TP53BP2: variants seen among roughly 807,000 people sequenced by gnomAD.
TP53BP2 encodes the protein apoptosis-stimulating of p53 protein 2.
TP53BP2 carries 62 observed loss-of-function variants against 126.2 expected under a neutral mutation model. The ratio of observed to expected loss-of-function variants is 0.49; its 90% CI spans 0.40 to 0.61. The LOEUF (loss-of-function observed/expected upper bound fraction) is 0.61, where lower values mean the gene tolerates loss of function less well. Among genes scored for constraint, TP53BP2 ranks in the 20% least tolerant of loss-of-function variants. The pLI is 0.00. For missense variants in TP53BP2, 1,215 were observed against 1,402.8 expected (o/e 0.87, Z 2.14); for synonymous variants, 485 against 502.9 (o/e 0.96, Z 0.48).
Position 223,814,478 on chromosome 1 carries a change from A to G in TP53BP2, c.176-125T>C. 7 of 686,280 alleles carry G rather than the reference A, an allele frequency of 1.0e-5. No homozygotes were observed. The South Asian group carries it at 1.4e-4, about 13-fold the overall frequency. The allele number at this position is 686,280 out of a possible 1,614,324, so 42.5% of individuals were successfully genotyped here. ...AACAAATGCTTAGTATCTCAGGTAA[A>G]TTTTTTTCATTAAAACACGTCTTAG... On this transcript the variant is annotated intron_variant, in intron 2 of 17. Transcript: ENST00000343537.
Position 223,796,423 on chromosome 1 carries a change from T to C in TP53BP2, c.2116A>G (p.Thr706Ala). 6.2e-7 allele frequency: 1 copy of C among 1,614,178 alleles called. No homozygotes were observed. The highest frequency in any genetic ancestry group is 1.1e-5 in the South Asian group (1 of 91,086). Residue 706 changes from threonine to alanine, a missense_variant, in exon 13 of 18, where the codon ACT (threonine) becomes GCT (alanine). Coordinates refer to ENST00000343537, the MANE Select transcript of TP53BP2 (RefSeq NM_001031685.3). This position sits in a 1 kb window ranked among gnomAD's most constrained non-coding sequence, Gnocchi z 4.2. ...NERIPRPLSP[T>A]KLLPFLSNPY... Reference sequence around the variant, plus strand: ...TTAGATAAGAAAGGCAGTAATTTAGTTGGGCTGAGTGGCCGAGGAATTCTT... The same window carrying C: ...TTAGATAAGAAAGGCAGTAATTTAGCTGGGCTGAGTGGCCGAGGAATTCTT...
At position 223,821,248 on chromosome 1, in the gene TP53BP2, G is replaced by A. The variant is rs1251263038; in HGVS notation, c.147C>T (p.Cys49=). The change falls in exon 2 of 18, where the codon TGC becomes TGT. Residue 49 remains cysteine (C), a synonymous_variant. Coordinates refer to ENST00000343537, the MANE Select transcript of TP53BP2 (RefSeq NM_001031685.3). Reference sequence around the variant, plus strand: ...AGCCACACCACACTTCAGCCAAATGGCAATCACTCTCGCCGGGTTCTTTGC... The same window carrying A: ...AGCCACACCACACTTCAGCCAAATGACAATCACTCTCGCCGGGTTCTTTGC... ...DLCKEPGESD[C]HLAEVWCGSE... is the part of the protein sequence containing the mutation. 4 of 1,613,870 alleles carry A rather than the reference G, an allele frequency of 2.5e-6. No individual in the cohort carries two copies. The Admixed American group carries it at 5.0e-5, about 20-fold the overall frequency.
In TP53BP2 at chr1:223,845,665, T is replaced by C; in HGVS notation, c.16A>G (p.Lys6Glu). ...GCTCGCCCACTTACCGGCATCATCT[T>C]GGACCCGAACCGCATGGAAGCGGGT... is the stretch of plus-strand genomic sequence containing the variant. MRFGS[K>E]MMPMFLTVYL... Residue 6 changes from lysine to glutamate, a missense_variant, in exon 1 of 18, where the codon AAG becomes GAG. This residue lies in a region of TP53BP2 where 814 missense variants were observed against 853.0 expected (regional missense o/e 0.95). Coordinates refer to ENST00000343537, the MANE Select transcript of TP53BP2 (RefSeq NM_001031685.3). 1 of 1,554,318 alleles carries C rather than the reference T, an allele frequency of 6.4e-7. No individual in the cohort carries two copies. The highest frequency in any genetic ancestry group is 8.6e-7 in the Non-Finnish European group (1 of 1,157,698).
At chr1:223,787,291 G>A (rs576812813) in intron 16 of TP53BP2, among the ~76,000 whole-genome samples, 1 of 152,180 alleles carries the variant, frequency 6.6e-6, no homozygotes, top group Admixed American at 6.5e-5. Context: ...AGGAGTTCAG[G>A]GTTGTAGTGA....
At position 223,801,729 on chromosome 1, in the gene TP53BP2, T is replaced by C. The variant is rs150916958; in HGVS notation, c.1225+387A>G. On this transcript the variant is annotated intron_variant, in intron 9 of 17. Coordinates refer to ENST00000343537, the MANE Select transcript of TP53BP2 (RefSeq NM_001031685.3). ...TATTTAACACCACTCATCAACATAATAGATTCAGAACCTCACATCCTATAC... is the reference window on the plus strand; with the variant it reads ...TATTTAACACCACTCATCAACATAACAGATTCAGAACCTCACATCCTATAC... Among the ~76,000 whole-genome samples the C allele has an allele frequency of 3.6e-3, 545 of 152,320 alleles. 7 individuals carry two copies. The highest frequency in any genetic ancestry group is 0.013 in the African/African-American group (522 of 41,576).
intron 1 of TP53BP2, among the ~76,000 whole-genome samples, chr1:223,821,690 A>C (rs910857875): frequency 6.6e-6 from 1 of 152,188 alleles, no homozygotes; most frequent in African/African-American, 2.4e-5. Context: ...CTACAAATAT[A>C]TCTTCCTGTC....
chr1:223,797,740 G>C (rs28475857), intron 12 of TP53BP2, among the ~76,000 whole-genome samples: 1 of 151,658 alleles, frequency 6.6e-6, no homozygotes, highest in Non-Finnish European at 1.5e-5. Flanking sequence ...TATAGACACA[G>C]ACACACACAT....
At chr1:223,822,922 G>A (rs1341802612) in intron 1 of TP53BP2, among the ~76,000 whole-genome samples, 2 of 152,082 alleles carry the variant, frequency 1.3e-5, no homozygotes, top group Non-Finnish European at 2.9e-5. Flanking sequence ...GTATGTATCA[G>A]GATTAAAAAA....
In TP53BP2 at chr1:223,786,503, TAG is replaced by T. The variant is rs201775342; in HGVS notation, c.3164-2191_3164-2190del. Among the ~76,000 whole-genome samples the T allele has an allele frequency of 3.2e-4, 49 of 152,252 alleles. No individual in the cohort carries two copies. In the East Asian group the frequency reaches 9.1e-3, roughly 28 times the overall value. On this transcript the variant is annotated intron_variant, in intron 16 of 17. Coordinates refer to ENST00000343537, the MANE Select transcript of TP53BP2 (RefSeq NM_001031685.3). ...AAAAATCATATTCCATATCTAAATATAGGTCAGATGGTCAATAAAATTAATAC... is the reference window on the plus strand; with the variant it reads ...AAAAATCATATTCCATATCTAAATATGTCAGATGGTCAATAAAATTAATAC...
rs746850665 is a variant in TP53BP2 at position 223,798,574 on chromosome 1, A to C, written c.1589T>G (p.Ile530Ser). 1.9e-6 allele frequency: 3 copies of C among 1,614,062 alleles called. No individual in the cohort carries two copies. The highest frequency in any genetic ancestry group is 1.7e-5 in the Admixed American group (1 of 60,000). ...CTGCTGAGAACTTCCGTCTGGCTTAATGTCTGAAGGTGGCTGATTAGTTTG... is the reference window on the plus strand; with the variant it reads ...CTGCTGAGAACTTCCGTCTGGCTTACTGTCTGAAGGTGGCTGATTAGTTTG... ...FGQTNQPPSD[I>S]KPDGSSQQLS... The change falls in exon 12 of 18, where the codon ATT becomes AGT. Residue 530 changes from isoleucine to serine, a missense_variant. Ile to Ser is a moderately radical substitution (Grantham distance 142). Coordinates refer to ENST00000343537, the MANE Select transcript of TP53BP2 (RefSeq NM_001031685.3).
chr1:223,838,191 C>T (rs1663985754), intron 1 of TP53BP2, among the ~76,000 whole-genome samples: 1 of 152,140 alleles, frequency 6.6e-6, no homozygotes, highest in African/African-American at 2.4e-5. Flanking sequence ...ACCCAAATCT[C>T]CCATTAAGCA....
At chr1:223,784,035 T>C (rs1209528620) in intron 17 of TP53BP2, 80 bp downstream of exon 17, 7 of 1,256,656 alleles carry the variant, frequency 5.6e-6, no homozygotes, top group Non-Finnish European at 8.2e-6. Flanking sequence ...TTTGGTGCAC[T>C]GTACACATAA....
chr1:223,845,189 C>A (rs796070531), intron 1 of TP53BP2: 3 of 964,934 alleles, frequency 3.1e-6, no homozygotes, highest in African/African-American at 1.8e-5. Flanking sequence ...TTAGCTGCTA[C>A]TGTGGATATC....
chr1:223,790,654 G>T (rs140789015), intron 15 of TP53BP2, among the ~76,000 whole-genome samples: 1 of 149,966 alleles, frequency 6.7e-6, no homozygotes, highest in South Asian at 2.1e-4. Flanking sequence ...ACCCAGACTG[G>T]AGTACAGCAA....
At chr1:223,781,662 GAGTC>G (rs1661783610) in intron 17 of TP53BP2, among the ~76,000 whole-genome samples, 1 of 151,944 alleles carries the variant, frequency 6.6e-6, no homozygotes, top group Non-Finnish European at 1.5e-5. Flanking sequence ...ATTTTAAAAA[GAGTC>G]AGACTTCCAG....
In TP53BP2 at chr1:223,798,616, T is replaced by C. The variant is rs1007205877; in HGVS notation, c.1547A>G (p.Asn516Ser). 2.5e-6 allele frequency: 4 copies of C among 1,614,020 alleles called. No homozygotes were observed. The highest frequency in any genetic ancestry group is 2.7e-5 in the African/African-American group (2 of 74,912). The change falls in exon 12 of 18, where the codon AAT becomes AGT. Residue 516 changes from asparagine to serine, a missense_variant. By Grantham distance (46) the Asn-to-Ser change is conservative (BLOSUM62 1). Transcript: ENST00000343537. ...PPVPTKPKQI[N>S]LPYFGQTNQP... ...ATTAGTTTGTCCAAAATAAGGCAAA[T>C]TAATCTGTTTTGGTTTTGTAGGAAC... is the stretch of plus-strand genomic sequence containing the variant.
At chr1:223,781,001 C>CA (rs1661757000) in intron 17 of TP53BP2, 107 bp from the exon 18 acceptor site, 4 of 1,095,764 alleles carry the variant, frequency 3.7e-6, no homozygotes, top group Non-Finnish European at 5.3e-6. Flanking sequence ...GGAAGGAAAT[C>CA]AAAGTGAGAA....
intron 1 of TP53BP2, among the ~76,000 whole-genome samples, chr1:223,825,381 C>G (rs1379984652): frequency 6.6e-6 from 1 of 152,182 alleles, no homozygotes; most frequent in Non-Finnish European, 1.5e-5. Context: ...TCCTTGAGAG[C>G]ATACAGGTAA....
Position 223,798,584 on chromosome 1 carries a change from G to T in TP53BP2, c.1579C>A (p.Pro527Thr), listed in dbSNP as rs377627982. 26 of 1,614,056 alleles carry T rather than the reference G, an allele frequency of 1.6e-5. No homozygotes were observed. In the African/African-American group the frequency reaches 3.2e-4, roughly 20 times the overall value. Residue 527 changes from proline to threonine, a missense_variant, in exon 12 of 18, where the codon CCT (proline) becomes ACT (threonine). Physicochemically the swap from Pro to Thr is conservative, Grantham distance 38 (BLOSUM62 -1). Coordinates refer to ENST00000343537, the MANE Select transcript of TP53BP2 (RefSeq NM_001031685.3). ...CTTCCGTCTGGCTTAATGTCTGAAG[G>T]TGGCTGATTAGTTTGTCCAAAATAA... is the stretch of plus-strand genomic sequence containing the variant. ...LPYFGQTNQP[P>T]SDIKPDGSSQ... is the part of the protein sequence containing the mutation.
Sources: gnomAD v4.1 joint callset for allele counts (sites outside exome capture counted in the v4.1 genomes callset) on GRCh38, gnomAD v4.1.1 for gene constraint, gnomAD v4.1.1 regional missense constraint, Gnocchi (gnomAD v3.1) non-coding constraint, MANE v1.5 for transcripts, NCBI Gene and HGNC (gene_info 2026-07-23, HGNC 2026-07-21) for gene names.